Variants in DNAH3 observed in about 807,000 individuals in gnomAD.
The protein encoded by DNAH3 is dynein axonemal heavy chain 3, also known as axonemal beta dynein heavy chain 3.
Under a neutral mutation model 432.5 loss-of-function variants are expected in DNAH3, and 332 were observed. The observed-to-expected ratio is 0.77, with a 90% CI of 0.70 to 0.84. The LOEUF (loss-of-function observed/expected upper bound fraction) is 0.84. Ranked by LOEUF, DNAH3 falls within the 40% of genes least tolerant of loss-of-function variation. The pLI, the probability that DNAH3 is intolerant of heterozygous loss-of-function variation, is 0.00. For missense variants in DNAH3, 4,861 were observed against 5,114.0 expected, an observed-to-expected ratio of 0.95 and a Z score of 1.51; for synonymous variants, 1,956 against 1,900.2, an observed-to-expected ratio of 1.03 and a Z score of -0.76.
At chr16:21,035,727 A>G (rs928250649) in intron 35 of DNAH3, among the ~76,000 whole-genome samples, 1 of 152,208 alleles carries the variant, frequency 6.6e-6, no homozygotes, top group Non-Finnish European at 1.5e-5. Context: ...GCAAAATCTC[A>G]ATCATAAATT....
At chr16:21,128,757 G>A (rs2092494106) in intron 7 of DNAH3, among the ~76,000 whole-genome samples, 1 of 151,282 alleles carries the variant, frequency 6.6e-6, no homozygotes, top group Non-Finnish European at 1.5e-5. Context: ...TACTTAGGAG[G>A]CTGAGGCAGG....
chr16:21,049,073 A>G (rs1038639367), intron 31 of DNAH3, among the ~76,000 whole-genome samples: 3 of 151,720 alleles, frequency 2.0e-5, no homozygotes, highest in African/African-American at 7.3e-5. Flanking sequence ...AGCTCACTTC[A>G]GCCTCGAACT....
chr16:21,000,378 G>A, exon 43 of DNAH3: 1 of 1,614,170 alleles, frequency 6.2e-7, no homozygotes, highest in Non-Finnish European at 8.5e-7. Flanking sequence ...TGGGAAGGTG[G>A]AGAAGGAAGT....
chr16:21,146,099 T>A lies in DNAH3; in HGVS notation c.118-11A>T. ...GTCACTTTTGGCGATCTGTGGGACA[T>A]GGGAACAAAGTCACCCTTCAAAAAT... On this transcript the variant is annotated splice_polypyrimidine_tract_variant and intron_variant, in intron 1 of 61. Coordinates refer to ENST00000261383, the Ensembl canonical transcript of DNAH3. 6.3e-7 allele frequency: 1 copy of A among 1,595,114 alleles called. No individual in the cohort carries two copies. The highest frequency in any genetic ancestry group is 8.6e-7 in the Non-Finnish European group (1 of 1,162,862).
intron 44 of DNAH3, among the ~76,000 whole-genome samples, chr16:20,994,156 G>A (rs1037391500): frequency 2.0e-5 from 3 of 151,896 alleles, no homozygotes; most frequent in Non-Finnish European, 4.4e-5. Flanking sequence ...ATGGCCTGGC[G>A]CAGTGGCTCA....
chr16:21,063,704 G>A (rs1362984775), intron 24 of DNAH3, among the ~76,000 whole-genome samples: 1 of 151,726 alleles, frequency 6.6e-6, no homozygotes, highest in East Asian at 1.9e-4. Flanking sequence ...CACCACGCAC[G>A]GCTAATTTTT....
In DNAH3 at chr16:20,997,558, G is replaced by C. The variant is rs1016137689; in HGVS notation, c.6422-96C>G. The stretch of plus-strand genomic sequence containing the variant: ...TGGCAATTCCCCTGTAGGGGAATCT[G>C]TTCCCAGGTTTCCATTCCCCATTCC... On this transcript the variant is annotated intron_variant, in intron 43 of 61. Transcript: ENST00000261383. 21 of 1,379,130 alleles carry C rather than the reference G, an allele frequency of 1.5e-5. No homozygotes were observed. In the African/African-American group the frequency reaches 3.0e-4, roughly 20 times the overall value. 85.4% of individuals were successfully genotyped at this position (1,379,130 alleles called of 1,614,324 possible).
chr16:20,987,205 C>T (rs760523028), intron 47 of DNAH3, 100 bp downstream of exon 47: 17 of 1,410,880 alleles, frequency 1.2e-5, no homozygotes, highest in Non-Finnish European at 1.5e-5. Flanking sequence ...GAGTGCAGAG[C>T]TGGCAGTCTC....
intron 56 of DNAH3, among the ~76,000 whole-genome samples, chr16:20,949,775 T>C (rs1002287464): frequency 6.6e-6 from 1 of 152,180 alleles, no homozygotes; most frequent in African/African-American, 2.4e-5. Flanking sequence ...CCCTTGAGGT[T>C]TGAGGATTGT....
intron 44 of DNAH3, among the ~76,000 whole-genome samples, chr16:20,993,500 C>T (rs1380558476): frequency 6.6e-6 from 1 of 152,100 alleles, no homozygotes; most frequent in Non-Finnish European, 1.5e-5. Context: ...TCCTTTAATA[C>T]TTGAAGATTA....
chr16:20,982,943 G>C lies in DNAH3; in HGVS notation c.7666-29C>G, dbSNP rs756253817. On this transcript the variant is annotated intron_variant, in intron 48 of 61. Coordinates refer to ENST00000261383, the Ensembl canonical transcript of DNAH3. ...CCTCCAAGGCAGGTGGACCCAAGGAGGCAGGCGGGTATTCCCAAGGATTCT... is the reference window on the plus strand; with the variant it reads ...CCTCCAAGGCAGGTGGACCCAAGGACGCAGGCGGGTATTCCCAAGGATTCT... 12 of 1,600,496 alleles carry C rather than the reference G, an allele frequency of 7.5e-6. No individual in the cohort carries two copies. The Admixed American group carries it at 2.0e-4, about 27-fold the overall frequency.
At chr16:21,116,232 C>T (rs2092196226) in intron 12 of DNAH3, among the ~76,000 whole-genome samples, 1 of 152,022 alleles carries the variant, frequency 6.6e-6, no homozygotes. Flanking sequence ...TCACCCTAAA[C>T]TAGTGTGATA....
rs536755221 is a variant in DNAH3 at position 21,085,782 on chromosome 16, T to C, written c.2877+1067A>G. ...TTCAGAGAGAATTTCCTCAGTCTTA[T>C]ACGTGGCTTTTTTGTCCCCCCGTTA... On this transcript the variant is annotated intron_variant, in intron 19 of 61. Coordinates refer to ENST00000261383, the Ensembl canonical transcript of DNAH3. Among the ~76,000 whole-genome samples the C allele has an allele frequency of 2.6e-5, 4 of 152,150 alleles. No homozygotes were observed. In the South Asian group the frequency reaches 8.3e-4, roughly 32 times the overall value.
chr16:20,974,920 G>C (rs2085513150), intron 51 of DNAH3, among the ~76,000 whole-genome samples: 1 of 150,924 alleles, frequency 6.6e-6, no homozygotes, highest in African/African-American at 2.4e-5. Context: ...CCAGGTTCAA[G>C]CAATTCCCCT....
chr16:20,959,501 G>A, intron 53 of DNAH3, 97 bp from the exon 54 acceptor site: 2 of 1,240,860 alleles, frequency 1.6e-6, no homozygotes, highest in Non-Finnish European at 2.3e-6. Flanking sequence ...TGGGTGTGGT[G>A]GCTCACACCT....
At chr16:21,047,581 A>G (rs2089762395) in intron 31 of DNAH3, among the ~76,000 whole-genome samples, 1 of 148,818 alleles carries the variant, frequency 6.7e-6, no homozygotes, top group Non-Finnish European at 1.5e-5. Context: ...ATTCTTCTAA[A>G]TTTTTTTCAA....
chr16:21,051,574 AAAGGTAACCC>A, intron 29 of DNAH3, 86 bp downstream of exon 29: 1 of 1,255,836 alleles, frequency 8.0e-7, no homozygotes, highest in Non-Finnish European at 1.1e-6. Context: ...TGTGAAGGGT[AAAGGTAACCC>A]AAGACATCCC....
chr16:21,111,190 G>A (rs1051205104), intron 14 of DNAH3, among the ~76,000 whole-genome samples: 9 of 152,132 alleles, frequency 5.9e-5, no homozygotes, highest in Non-Finnish European at 1.3e-4. Context: ...GAAAAAGATT[G>A]AACAACAGAA....
intron 41 of DNAH3, among the ~76,000 whole-genome samples, chr16:21,018,769 CCT>C (rs1269759231): frequency 6.6e-6 from 1 of 151,948 alleles, no homozygotes; most frequent in African/African-American, 2.4e-5. Flanking sequence ...GTGGTGCATG[CCT>C]GTAATCCCAA....
Sources: allele counts gnomAD v4.1 joint callset (sites outside exome capture counted in the v4.1 genomes callset), GRCh38; gene constraint gnomAD v4.1.1; transcripts MANE v1.5; gene names NCBI Gene and HGNC (gene_info 2026-07-23, HGNC 2026-07-21).